JARID2: variants seen among roughly 807,000 people sequenced by gnomAD.
JARID2 encodes protein Jumonji.
A neutral mutation model predicts 125.6 loss-of-function variants in JARID2; 21 were observed. That is an observed-to-expected ratio of 0.17 (90% CI 0.12 to 0.24). JARID2 has a LOEUF of 0.24. Among genes scored for constraint, JARID2 ranks in the 10% least tolerant of loss-of-function variants. JARID2 has a pLI of 1.00. For missense variants in JARID2, 1,303 were observed against 1,639.6 expected (o/e 0.79, Z 3.55); for synonymous variants, 736 against 661.6 (o/e 1.11, Z -1.73).
intron 3 of JARID2, among the ~76,000 whole-genome samples, chr6:15,443,875 C>G (rs1382956360): frequency 6.6e-6 from 1 of 152,188 alleles, no homozygotes; most frequent in Non-Finnish European, 1.5e-5. Context: ...CACCACTACT[C>G]TTTTGCTTGT....
chr6:15,249,008 A>C, intron 1 of JARID2: 1 of 961,256 alleles, frequency 1.0e-6, no homozygotes, highest in Non-Finnish European at 1.2e-6. Flanking sequence ...GTGCCACTGG[A>C]CCCTGTTCTG....
intron 1 of JARID2, among the ~76,000 whole-genome samples, chr6:15,311,971 C>G (rs1762029384): frequency 1.3e-5 from 2 of 152,268 alleles, no homozygotes; most frequent in East Asian, 1.9e-4. Flanking sequence ...CTAGAGAAAT[C>G]AATTTAACCT....
intron 7 of JARID2, among the ~76,000 whole-genome samples, chr6:15,498,472 C>A (rs1411568060): frequency 6.6e-6 from 1 of 152,164 alleles, no homozygotes; most frequent in African/African-American, 2.4e-5. Context: ...ATGAACTTGC[C>A]TTGTTAAGGC....
chr6:15,430,119 C>T (rs569359428), intron 3 of JARID2, among the ~76,000 whole-genome samples: 2 of 152,226 alleles, frequency 1.3e-5, no homozygotes, highest in South Asian at 2.1e-4. Context: ...AATATAAAAA[C>T]ATTTAACCTC....
intron 1 of JARID2, among the ~76,000 whole-genome samples, chr6:15,371,233 T>C (rs1220384349): frequency 6.6e-6 from 1 of 152,222 alleles, no homozygotes; most frequent in Non-Finnish European, 1.5e-5. Flanking sequence ...GGAATAATTC[T>C]CTCAACTGGA....
In JARID2 at chr6:15,339,603, T is replaced by TCAAC. The variant is rs1271108580; in HGVS notation, c.46-34513_46-34512insAACC. Reference sequence around the variant, plus strand: ...CAGGCCGGAGTGCAATGGTGCGATCTCGGCTCACCGCAACCTCTGCCTCCT... The same window carrying TCAAC: ...CAGGCCGGAGTGCAATGGTGCGATCTCAACCGGCTCACCGCAACCTCTGCCTCCT... On this transcript the variant is annotated intron_variant, in intron 1 of 17. Coordinates refer to ENST00000341776, the MANE Select transcript of JARID2 (RefSeq NM_004973.4). 7.6e-4 allele frequency among the ~76,000 whole-genome samples: 110 copies of TCAAC among 145,526 alleles called. No individual in the cohort carries two copies. The East Asian group carries it at 0.018, about 23-fold the overall frequency.
chr6:15,380,705 T>C (rs993162947), intron 2 of JARID2, among the ~76,000 whole-genome samples: 5 of 152,168 alleles, frequency 3.3e-5, no homozygotes, highest in Admixed American at 6.5e-5. Context: ...GAAATATAAT[T>C]TTGAACTCCT....
At chr6:15,407,277 C>T (rs555907089) in intron 2 of JARID2, among the ~76,000 whole-genome samples, 2 of 151,994 alleles carry the variant, frequency 1.3e-5, no homozygotes, top group South Asian at 4.2e-4. Flanking sequence ...CCCCCACCCC[C>T]CAAAAAACAA....
chr6:15,246,219 A>G lies in JARID2; in HGVS notation c.-321A>G, dbSNP rs1171815712. 2 of 460,522 alleles carry G rather than the reference A, an allele frequency of 4.3e-6. No individual in the cohort carries two copies. Among genetic ancestry groups the G allele is most frequent in the Non-Finnish European group, 3.8e-6 (1 of 263,426 alleles). The allele number at this position is 460,522 out of a possible 1,614,324, so 28.5% of individuals were successfully genotyped here. ...CGCTGATGTAGTTTTTGGAGGAAAA[A>G]GGGGGGGGAGTGAAGGGCGTCGGTT... On this transcript the variant is annotated 5_prime_UTR_variant, in exon 1 of 18. Transcript: ENST00000341776.
At chr6:15,401,887 T>C (rs2127556400) in intron 2 of JARID2, among the ~76,000 whole-genome samples, 1 of 145,120 alleles carries the variant, frequency 6.9e-6, no homozygotes, top group South Asian at 2.2e-4. Context: ...TGAAGTTATT[T>C]GTTGTCAGCA....
At chr6:15,250,104 CA>C (rs1759384878) in intron 1 of JARID2, among the ~76,000 whole-genome samples, 1 of 152,160 alleles carries the variant, frequency 6.6e-6, no homozygotes, top group African/African-American at 2.4e-5. Flanking sequence ...AGCATGAAAA[CA>C]AATTGCCAGT....
chr6:15,319,513 C>T lies in JARID2; in HGVS notation c.46-54604C>T, dbSNP rs79923019. On this transcript the variant is annotated intron_variant, in intron 1 of 17. Transcript: ENST00000341776. ...CCCGTGTTCAAGCGATTCTTGTGCCCCAGTCTCCTGAGTAGCTGGGAGCAC... is the reference window on the plus strand; with the variant it reads ...CCCGTGTTCAAGCGATTCTTGTGCCTCAGTCTCCTGAGTAGCTGGGAGCAC... 3.4e-3 allele frequency among the ~76,000 whole-genome samples: 521 copies of T among 152,194 alleles called. 1 individual carries two copies. Among genetic ancestry groups the T allele is most frequent in the Middle Eastern group, 0.02 (6 of 294 alleles).
At chr6:15,448,795 C>T (rs1394787991) in intron 3 of JARID2, among the ~76,000 whole-genome samples, 1 of 151,670 alleles carries the variant, frequency 6.6e-6, no homozygotes, top group Non-Finnish European at 1.5e-5. Flanking sequence ...ACTGTGTGCT[C>T]GAGACCTGGC....
intron 4 of JARID2, among the ~76,000 whole-genome samples, chr6:15,453,074 C>G (rs1767994555): frequency 6.6e-6 from 1 of 152,206 alleles, no homozygotes; most frequent in Admixed American, 6.5e-5. Context: ...ATCCCTCACT[C>G]AATACATTAG....
At chr6:15,341,562 G>T (rs1763071702) in intron 1 of JARID2, among the ~76,000 whole-genome samples, 1 of 152,038 alleles carries the variant, frequency 6.6e-6, no homozygotes, top group South Asian at 2.1e-4. Flanking sequence ...TCATTGACTG[G>T]ACCTTCTGTT....
At chr6:15,316,081 T>A (rs879328401) in intron 1 of JARID2, among the ~76,000 whole-genome samples, 2 of 152,076 alleles carry the variant, frequency 1.3e-5, no homozygotes, top group East Asian at 1.9e-4. Context: ...ACCACTGAAG[T>A]GGGGTCTGCT....
chr6:15,473,042 G>C (rs1769152650), intron 5 of JARID2, among the ~76,000 whole-genome samples: 1 of 32,836 alleles, frequency 3.0e-5, no homozygotes, highest in African/African-American at 2.1e-4. Flanking sequence ...TAGCAAATGT[G>C]AATACCCGTG....
intron 1 of JARID2, among the ~76,000 whole-genome samples, chr6:15,356,386 C>G (rs1437330820): frequency 3.3e-5 from 5 of 152,212 alleles, no homozygotes; most frequent in Middle Eastern, 3.4e-3. Flanking sequence ...ATGAGGTTTC[C>G]CGTTTCTTCA....
At chr6:15,383,225 C>G (rs1422884823) in intron 2 of JARID2, among the ~76,000 whole-genome samples, 2 of 151,602 alleles carry the variant, frequency 1.3e-5, no homozygotes, top group African/African-American at 4.9e-5. Context: ...GGCCTCAAAC[C>G]CCTGGGCTTA....
Sources: allele counts gnomAD v4.1 joint callset (sites outside exome capture counted in the v4.1 genomes callset), GRCh38; gene constraint gnomAD v4.1.1; transcripts MANE v1.5; gene names NCBI Gene and HGNC (gene_info 2026-07-23, HGNC 2026-07-21).